MOK: variants seen among roughly 807,000 people sequenced by gnomAD.
The protein encoded by MOK is MOK protein kinase, also known as MAPK/MAK/MRK overlapping kinase.
A neutral mutation model predicts 54.2 loss-of-function variants in MOK; 59 were observed. The observed-to-expected ratio is 1.09, with a 90% CI of 0.88 to 1.35. The LOEUF (loss-of-function observed/expected upper bound fraction) is 1.35, where lower values mean the gene tolerates loss of function less well. Ranked by LOEUF, MOK falls within the 40% of genes most tolerant of loss-of-function variation. MOK has a pLI of 0.00. For missense variants in MOK, 517 were observed against 526.2 expected (o/e 0.98, Z 0.17); for synonymous variants, 210 against 202.7 (o/e 1.04, Z -0.31).
chr14:102,267,635 G>A (rs1183386938), intron 2 of MOK, among the ~76,000 whole-genome samples: 1 of 152,158 alleles, frequency 6.6e-6, no homozygotes, highest in Non-Finnish European at 1.5e-5. Context: ...ATAGAAGCCT[G>A]ATATTTAAGA....
rs374806877 is a variant in MOK, at chr14:102,229,588, T to A, written c.1051A>T (p.Lys351Ter). The A allele has an allele frequency of 1.4e-5, 22 of 1,614,096 alleles. No individual in the cohort carries two copies. Among genetic ancestry groups the A allele is most frequent in the Non-Finnish European group, 1.8e-5 (21 of 1,180,046 alleles). The stretch of plus-strand genomic sequence containing the variant: ...CTGACCACTCCCGAAAGCTTTAGTT[T>A]GGGCAGTTCCATGACATAGGCCGGT... ...RGPAYVMELP[K>*]LKLSGVVRLS... Residue 351 changes from lysine to a stop codon, truncating the protein, a stop_gained, in exon 11 of 12, where the codon AAA (lysine) becomes TAA (stop). Coordinates refer to ENST00000361847, the MANE Select transcript of MOK (RefSeq NM_014226.3). LOFTEE classifies it high-confidence loss of function.
intron 7 of MOK, among the ~76,000 whole-genome samples, chr14:102,244,917 T>C (rs2065978412): frequency 6.6e-6 from 1 of 152,054 alleles, no homozygotes; most frequent in Non-Finnish European, 1.5e-5. Context: ...TAATGGTCTT[T>C]TAAAAACACA....
In MOK at chr14:102,283,481, T is replaced by C; in HGVS notation, c.119A>G (p.Glu40Gly). The C allele has an allele frequency of 6.2e-7, 1 of 1,607,536 alleles. No individual in the cohort carries two copies. The highest frequency in any genetic ancestry group is 8.5e-7 in the Non-Finnish European group (1 of 1,176,506). ...YACKQMKQRF[E>G]SIEQVNNLRE... is the part of the protein sequence containing the mutation. ...CAAGTGCATCTCTGTAGCCTACCTT[T>C]CAAAGCGCTGCTTCATTTGTTTACA... Residue 40 changes from glutamate (E) to glycine (G), a missense_variant, in exon 2 of 12, where the codon GAA becomes GGA. By Grantham distance (98) the Glu-to-Gly change is moderately conservative. Transcript: ENST00000361847.
Position 102,291,041 on chromosome 14 carries a change from G to C in MOK, c.8-7449C>G, listed in dbSNP as rs1048685566. Among the ~76,000 whole-genome samples, 11 of 152,176 alleles carry C rather than the reference G, an allele frequency of 7.2e-5. 1 individual carries two copies. The highest frequency in any genetic ancestry group is 7.2e-4 in the Admixed American group (11 of 15,272). ...AACTAATCTAGCTCCCAGCAAGGCA[G>C]GGTTTCAGAACTATTCTGCTAGCTT... On this transcript the variant is annotated intron_variant, in intron 1 of 11. Transcript: ENST00000361847.
At chr14:102,258,215 T>C (rs1449009008) in intron 4 of MOK, among the ~76,000 whole-genome samples, 1 of 152,188 alleles carries the variant, frequency 6.6e-6, no homozygotes. Flanking sequence ...TGGCTTCCCA[T>C]TGAACTTAGA....
intron 1 of MOK, among the ~76,000 whole-genome samples, chr14:102,294,561 G>A (rs2071227086): frequency 6.6e-6 from 1 of 152,024 alleles, no homozygotes; most frequent in South Asian, 2.1e-4. Flanking sequence ...GCTGCAGTGA[G>A]CCATGATGGT....
chr14:102,281,009 C>T (rs1005283954), intron 2 of MOK, among the ~76,000 whole-genome samples: 4 of 151,976 alleles, frequency 2.6e-5, no homozygotes, highest in South Asian at 2.1e-4. Flanking sequence ...CGCAATATGG[C>T]GAGACCCTGT....
chr14:102,282,794 G>C (rs1461732153), intron 2 of MOK, among the ~76,000 whole-genome samples: 1 of 151,776 alleles, frequency 6.6e-6, no homozygotes. Context: ...GCTCACACCT[G>C]TAATCCCAGC....
At chr14:102,272,024 G>T (rs1314496293) in intron 2 of MOK, among the ~76,000 whole-genome samples, 1 of 151,804 alleles carries the variant, frequency 6.6e-6, no homozygotes, top group African/African-American at 2.4e-5. Flanking sequence ...GACCACAGGT[G>T]CCTGCCACCA....
chr14:102,251,624 A>G (rs753591104), intron 6 of MOK, 132 bp downstream of exon 6: 2 of 765,414 alleles, frequency 2.6e-6, no homozygotes, highest in South Asian at 2.9e-5. Flanking sequence ...AGAGGGAAAA[A>G]AATTACTGTA....
intron 7 of MOK, among the ~76,000 whole-genome samples, chr14:102,244,446 C>T (rs1432335500): frequency 6.6e-6 from 1 of 152,226 alleles, no homozygotes; most frequent in African/African-American, 2.4e-5. Flanking sequence ...GCTAGTCTGC[C>T]TCTTAGAACC....
chr14:102,221,727 C>A (rs1567108735), downstream of MOK, among the ~76,000 whole-genome samples: 1 of 152,142 alleles, frequency 6.6e-6, no homozygotes, highest in African/African-American at 2.4e-5. This position sits in a 1 kb window ranked among gnomAD's most constrained non-coding sequence, Gnocchi z 4.8. Context: ...AGGGCGTGGG[C>A]GAGGCTGAAG....
intron 7 of MOK, among the ~76,000 whole-genome samples, chr14:102,243,544 C>T (rs961031073): frequency 6.6e-6 from 1 of 152,180 alleles, no homozygotes; most frequent in African/African-American, 2.4e-5. Context: ...AACTCACTCT[C>T]TACAGCCCTC....
intron 4 of MOK, among the ~76,000 whole-genome samples, chr14:102,253,635 T>C (rs1317385521): frequency 6.6e-6 from 1 of 152,258 alleles, no homozygotes; most frequent in Non-Finnish European, 1.5e-5. Context: ...ACTCAGCACC[T>C]GGGCTGGCTG....
At chr14:102,227,192 A>G (rs1490666100), downstream of MOK, among the ~76,000 whole-genome samples, 1 of 152,174 alleles carries the variant, frequency 6.6e-6, no homozygotes, top group Non-Finnish European at 1.5e-5. Context: ...TATAGACATA[A>G]AGAGAGTAAC....
intron 7 of MOK, among the ~76,000 whole-genome samples, chr14:102,243,713 C>G (rs1008406692): frequency 6.6e-6 from 1 of 152,186 alleles, no homozygotes; most frequent in Non-Finnish European, 1.5e-5. Flanking sequence ...AGATACCACA[C>G]CTGACCCCCA....
intron 1 of MOK, among the ~76,000 whole-genome samples, chr14:102,298,492 C>T (rs1004073116): frequency 4.6e-5 from 7 of 152,174 alleles, no homozygotes; most frequent in African/African-American, 1.7e-4. Context: ...GCAAATGCAC[C>T]AATCAGTGCT....
intron 1 of MOK, among the ~76,000 whole-genome samples, chr14:102,302,989 C>A (rs1345858496): frequency 2.0e-5 from 3 of 151,286 alleles, no homozygotes; most frequent in Non-Finnish European, 4.4e-5. Flanking sequence ...TGTTGAAACC[C>A]CGTCTCTACC....
At chr14:102,299,483 C>T (rs989828651) in intron 1 of MOK, among the ~76,000 whole-genome samples, 1 of 151,972 alleles carries the variant, frequency 6.6e-6, no homozygotes, top group Non-Finnish European at 1.5e-5. Context: ...CCACTGCACT[C>T]CAGCCTGGGC....
Sources: allele counts gnomAD v4.1 joint callset (sites outside exome capture counted in the v4.1 genomes callset), GRCh38; gene constraint gnomAD v4.1.1; non-coding constraint Gnocchi (gnomAD v3.1); transcripts MANE v1.5; gene names NCBI Gene and HGNC (gene_info 2026-07-23, HGNC 2026-07-21).